ZNF804A: variants seen among roughly 807,000 people sequenced by gnomAD.
ZNF804A encodes zinc finger protein 804A.
A neutral mutation model predicts 16.5 loss-of-function variants in ZNF804A; 2 were observed. The ratio of observed to expected loss-of-function variants is 0.12; its 90% CI spans 0.05 to 0.38. The LOEUF is 0.38. Among genes scored for constraint, ZNF804A ranks in the 10% least tolerant of loss-of-function variants. The probability of loss-of-function intolerance (pLI) is 0.99; values close to 1 mark genes in which losing one functional copy is unlikely to be tolerated. For missense variants in ZNF804A, 1,473 were observed against 1,390.7 expected, an observed-to-expected ratio of 1.06 and a Z score of -0.94; for synonymous variants, 534 against 489.6, an observed-to-expected ratio of 1.09 and a Z score of -1.20.
chr2:184,813,304 C>T (rs562361696), intron 1 of ZNF804A, among the ~76,000 whole-genome samples: 8 of 152,126 alleles, frequency 5.3e-5, no homozygotes, highest in African/African-American at 7.2e-5. Context: ...AAGTAATATA[C>T]GTTACTCATA....
chr2:184,650,679 A>G (rs1438843592), intron 1 of ZNF804A, among the ~76,000 whole-genome samples: 1 of 151,748 alleles, frequency 6.6e-6, no homozygotes, highest in Non-Finnish European at 1.5e-5. Flanking sequence ...AATCCCATTT[A>G]CAATAGCTAA....
intron 2 of ZNF804A, among the ~76,000 whole-genome samples, chr2:184,895,294 T>C (rs1200030485): frequency 6.6e-6 from 1 of 152,064 alleles, no homozygotes; most frequent in Non-Finnish European, 1.5e-5. Flanking sequence ...TTTTTATTTC[T>C]ATGTATTTTG....
chr2:184,797,111 A>T (rs532421641), intron 1 of ZNF804A, among the ~76,000 whole-genome samples: 3 of 152,168 alleles, frequency 2.0e-5, no homozygotes, highest in Admixed American at 6.5e-5. Flanking sequence ...CAGTTGTTGG[A>T]TGAAATGTTC....
chr2:184,815,104 C>T (rs2105788440), intron 1 of ZNF804A, among the ~76,000 whole-genome samples: 1 of 152,058 alleles, frequency 6.6e-6, no homozygotes, highest in South Asian at 2.1e-4. Flanking sequence ...TGTTAGTGCT[C>T]TGATGAGTGA....
At chr2:184,628,408 T>A (rs1691543840) in intron 1 of ZNF804A, among the ~76,000 whole-genome samples, 1 of 152,082 alleles carries the variant, frequency 6.6e-6, no homozygotes, top group South Asian at 2.1e-4. Context: ...AAAGCAGATA[T>A]GGAAAATTAC....
rs1367016453 is a variant in ZNF804A at position 184,937,896 on chromosome 2, T to A, written c.2500T>A (p.Tyr834Asn). 1.9e-6 allele frequency: 3 copies of A among 1,613,972 alleles called. No homozygotes were observed. The African/African-American group carries it at 4.0e-5, about 22-fold the overall frequency. Residue 834 changes from tyrosine (Y) to asparagine (N), a missense_variant, in exon 4 of 4, where the codon TAT (tyrosine) becomes AAT (asparagine). Transcript: ENST00000302277. ...ETLELKENTDYPVKDNSSLNP... is the reference protein window; with the variant it reads ...ETLELKENTDNPVKDNSSLNP... ...TTTAGAACTCAAAGAAAATACAGATTATCCCGTGAAAGACAATTCTTCCTT... is the reference window on the plus strand; with the variant it reads ...TTTAGAACTCAAAGAAAATACAGATAATCCCGTGAAAGACAATTCTTCCTT...
At chr2:184,675,029 C>T (rs909742203) in intron 1 of ZNF804A, among the ~76,000 whole-genome samples, 9 of 151,690 alleles carry the variant, frequency 5.9e-5, no homozygotes, top group East Asian at 1.9e-4. Flanking sequence ...TATGTATATA[C>T]GTATGTGCGT....
chr2:184,808,798 A>G (rs1694849720), intron 1 of ZNF804A, among the ~76,000 whole-genome samples: 1 of 151,788 alleles, frequency 6.6e-6, no homozygotes. Flanking sequence ...ACGACTTTTA[A>G]TGTTTAAAAA....
rs374669503 is a variant in ZNF804A at position 184,883,189 on chromosome 2, T to G, written c.255+16677T>G. Among the ~76,000 whole-genome samples the G allele has an allele frequency of 1.5e-3, 225 of 152,104 alleles. 2 individuals are homozygous for G. The highest frequency in any genetic ancestry group is 5.2e-3 in the African/African-American group (217 of 41,520). On this transcript the variant is annotated intron_variant, in intron 2 of 3. Transcript: ENST00000302277. ...ACACAAGCCAAAAGAAATGGATAAATGCCTAAACACATACAACCATCCAAG... is the reference window on the plus strand; with the variant it reads ...ACACAAGCCAAAAGAAATGGATAAAGGCCTAAACACATACAACCATCCAAG...
chr2:184,656,549 T>G (rs1692077064), intron 1 of ZNF804A, among the ~76,000 whole-genome samples: 1 of 152,046 alleles, frequency 6.6e-6, no homozygotes, highest in Non-Finnish European at 1.5e-5. Flanking sequence ...TCAACTACAT[T>G]TATAGTTAAT....
intron 1 of ZNF804A, among the ~76,000 whole-genome samples, chr2:184,773,325 G>A (rs1374908843): frequency 6.6e-6 from 1 of 151,510 alleles, no homozygotes; most frequent in Admixed American, 6.6e-5. Context: ...TCACACCTCT[G>A]CTGTGAAAAT....
chr2:184,860,185 C>T (rs1424897550), intron 1 of ZNF804A, among the ~76,000 whole-genome samples: 3 of 152,178 alleles, frequency 2.0e-5, no homozygotes, highest in Admixed American at 2.0e-4. Flanking sequence ...GTGGACTTGC[C>T]TGTAATCTTT....
intron 2 of ZNF804A, among the ~76,000 whole-genome samples, chr2:184,920,050 G>A (rs1685506233): frequency 6.6e-6 from 1 of 152,158 alleles, no homozygotes; most frequent in Admixed American, 6.6e-5. Flanking sequence ...GGGAGGAGGA[G>A]GTTGCGGTGA....
At chr2:184,841,833 A>G (rs1245791873) in intron 1 of ZNF804A, among the ~76,000 whole-genome samples, 1 of 152,092 alleles carries the variant, frequency 6.6e-6, no homozygotes, top group African/African-American at 2.4e-5. Flanking sequence ...GAGCAATGTC[A>G]GGCAGAGACA....
At chr2:184,820,340 A>G (rs1473305119) in intron 1 of ZNF804A, among the ~76,000 whole-genome samples, 2 of 152,200 alleles carry the variant, frequency 1.3e-5, no homozygotes, top group African/African-American at 4.8e-5. Flanking sequence ...CAATAGATGC[A>G]GGAAATGCCT....
intron 1 of ZNF804A, among the ~76,000 whole-genome samples, chr2:184,729,533 C>T (rs1036994882): frequency 6.6e-6 from 1 of 152,008 alleles, no homozygotes; most frequent in Non-Finnish European, 1.5e-5. Context: ...CTAATTTCCT[C>T]AATGTTATCT....
chr2:184,758,019 A>C (rs1224030733), intron 1 of ZNF804A, among the ~76,000 whole-genome samples: 1 of 152,014 alleles, frequency 6.6e-6, no homozygotes, highest in Non-Finnish European at 1.5e-5. Flanking sequence ...AGAATTGCAA[A>C]GCCTGGGAGG....
chr2:184,763,418 G>A (rs745603493), intron 1 of ZNF804A, among the ~76,000 whole-genome samples: 14 of 151,838 alleles, frequency 9.2e-5, no homozygotes, highest in East Asian at 1.9e-4. Flanking sequence ...AATATTGTTC[G>A]TTTCTTTGTT....
At chr2:184,917,612 G>T (rs892955074) in intron 2 of ZNF804A, among the ~76,000 whole-genome samples, 1 of 151,664 alleles carries the variant, frequency 6.6e-6, no homozygotes, top group Non-Finnish European at 1.5e-5. Flanking sequence ...TGTTATAATT[G>T]TTTATTATTA....
Sources: gnomAD v4.1 joint callset for allele counts (sites outside exome capture counted in the v4.1 genomes callset) on GRCh38, gnomAD v4.1.1 for gene constraint, MANE v1.5 for transcripts, NCBI Gene and HGNC (gene_info 2026-07-23, HGNC 2026-07-21) for gene names.